Variants in KIRREL3 observed in about 807,000 individuals in gnomAD.
KIRREL3 encodes kin of IRRE-like protein 3.
In KIRREL3, 36 loss-of-function variants were observed where a neutral mutation model predicts 89.7. The observed-to-expected ratio is 0.40, with a 90% CI of 0.31 to 0.53. The LOEUF is 0.53. KIRREL3 is among the 20% of genes least tolerant of loss of function. KIRREL3 has a pLI of 0.49. For missense variants in KIRREL3, 864 were observed against 1,056.6 expected (o/e 0.82, Z 2.53); for synonymous variants, 445 against 441.4 (o/e 1.01, Z -0.10).
rs1005016776 is a variant in KIRREL3, at chr11:126,805,963, C to T, written c.55+194492G>A. The stretch of plus-strand genomic sequence containing the variant: ...CTGTCCTCTGAATGTGCCTGTGCCC[C>T]CAAATCCTCCCTTCAATGACATCAA... On this transcript the variant is annotated intron_variant, in intron 1 of 16. Transcript: ENST00000525144. The surrounding 1 kb of genome is among the most constrained non-coding windows in gnomAD (Gnocchi z 4.3). Among the ~76,000 whole-genome samples the T allele has an allele frequency of 1.3e-5, 2 of 152,160 alleles. No individual in the cohort carries two copies. Among genetic ancestry groups the T allele is most frequent in the Non-Finnish European group, 2.9e-5 (2 of 68,030 alleles).
In KIRREL3 at chr11:126,431,634, C is replaced by T. The variant is rs2134150387; in HGVS notation, c.1589-108G>A. 8.9e-7 allele frequency: 1 copy of T among 1,121,596 alleles called. No individual in the cohort carries two copies. Among genetic ancestry groups the T allele is most frequent in the Non-Finnish European group, 1.3e-6 (1 of 781,706 alleles). The allele number at this position is 1,121,596 out of a possible 1,614,324, so 69.5% of individuals were successfully genotyped here. ...GGCAGCCCCTGCCACATGGGGCCCT[C>T]CTGGGAAATGCCTCAGTGGGGCCTG... On this transcript the variant is annotated intron_variant, in intron 13 of 16. Coordinates refer to ENST00000525144, the MANE Select transcript of KIRREL3 (RefSeq NM_032531.4). This position sits in a 1 kb window ranked among gnomAD's most constrained non-coding sequence, Gnocchi z 7.1.
intron 1 of KIRREL3, among the ~76,000 whole-genome samples, chr11:126,650,473 A>G (rs935109674): frequency 2.6e-5 from 4 of 152,082 alleles, no homozygotes; most frequent in Non-Finnish European, 4.4e-5. Flanking sequence ...CTTCCACTAG[A>G]TACCCTAGAT....
At chr11:126,472,376 C>T (rs1476181711) in intron 5 of KIRREL3, among the ~76,000 whole-genome samples, 1 of 152,128 alleles carries the variant, frequency 6.6e-6, no homozygotes, top group Non-Finnish European at 1.5e-5. Context: ...GGACAGACAC[C>T]TGGTTCATAG....
chr11:126,803,634 G>T (rs973117738), intron 1 of KIRREL3, among the ~76,000 whole-genome samples: 6 of 152,048 alleles, frequency 3.9e-5, no homozygotes, highest in Non-Finnish European at 7.4e-5. Flanking sequence ...GCCTCTTAAT[G>T]AAAAGAGGGC....
rs1941354821 is a variant in KIRREL3 at position 126,578,154 on chromosome 11, C to T, written c.56-15242G>A. ...GAGGCAACACAGAATGAGACTAATC[C>T]CTCTTCCACCCAACTACTGAGAAGT... is the stretch of plus-strand genomic sequence containing the variant. On this transcript the variant is annotated intron_variant, in intron 1 of 16. Transcript: ENST00000525144. This position sits in a 1 kb window ranked among gnomAD's most constrained non-coding sequence, Gnocchi z 4.9. 6.6e-6 allele frequency among the ~76,000 whole-genome samples: 1 copy of T among 152,136 alleles called. No homozygotes were observed. The highest frequency in any genetic ancestry group is 2.4e-5 in the African/African-American group (1 of 41,420).
At chr11:126,437,118 ACACT>A in intron 11 of KIRREL3, 109 bp from the exon 12 acceptor site, 2 of 998,676 alleles carry the variant, frequency 2.0e-6, no homozygotes, top group Non-Finnish European at 2.8e-6. Flanking sequence ...TCACTGCCAC[ACACT>A]AACACATGTG....
chr11:126,446,609 T>C (rs1955824261), intron 9 of KIRREL3, 150 bp downstream of exon 9: 1 of 908,582 alleles, frequency 1.1e-6, no homozygotes, highest in Non-Finnish European at 1.6e-6. Flanking sequence ...GGGTTCCCCC[T>C]CCTCTTTCTG....
At position 126,890,062 on chromosome 11, in the gene KIRREL3, A is replaced by C. The variant is rs541872123; in HGVS notation, c.55+110393T>G. On this transcript the variant is annotated intron_variant, in intron 1 of 16. Transcript: ENST00000525144. This position sits in a 1 kb window ranked among gnomAD's most constrained non-coding sequence, Gnocchi z 5.1. Reference sequence around the variant, plus strand: ...CCCCCAGCCACAATCACAAATAACTATCTGGTGGAGGATCTTGTGTCCTTT... The same window carrying C: ...CCCCCAGCCACAATCACAAATAACTCTCTGGTGGAGGATCTTGTGTCCTTT... Among the ~76,000 whole-genome samples, 1 of 152,276 alleles carries C rather than the reference A, an allele frequency of 6.6e-6. No individual in the cohort carries two copies. The highest frequency in any genetic ancestry group is 2.1e-4 in the South Asian group (1 of 4,820).
chr11:126,894,500 G>A (rs1318374874), intron 1 of KIRREL3, among the ~76,000 whole-genome samples: 1 of 128,962 alleles, frequency 7.8e-6, no homozygotes, highest in African/African-American at 3.0e-5. Context: ...CTTGAGCCCA[G>A]GAGTTCGAGA....
chr11:126,951,769 C>G (rs1457420762), intron 1 of KIRREL3, among the ~76,000 whole-genome samples: 1 of 152,152 alleles, frequency 6.6e-6, no homozygotes, highest in Non-Finnish European at 1.5e-5. Context: ...GAGAACCAAG[C>G]CTTTGAGTGA....
In KIRREL3 at chr11:126,755,630, T is replaced by C. The variant is rs1949468264; in HGVS notation, c.56-192718A>G. ...TGCGTGCTGACACTCTCAACTTCCC[T>C]GAGTGCCTGTACACCCCCGCCCCCA... On this transcript the variant is annotated intron_variant, in intron 1 of 16. Transcript: ENST00000525144. The surrounding 1 kb of genome is among the most constrained non-coding windows in gnomAD (Gnocchi z 4.3). Among the ~76,000 whole-genome samples, 1 of 152,166 alleles carries C rather than the reference T, an allele frequency of 6.6e-6. No individual in the cohort carries two copies. Among genetic ancestry groups the C allele is most frequent in the African/African-American group, 2.4e-5 (1 of 41,450 alleles).
chr11:126,431,208 G>T lies in KIRREL3; in HGVS notation c.1696+211C>A, dbSNP rs1054293731. 3 of 1,493,576 alleles carry T rather than the reference G, an allele frequency of 2.0e-6. No individual in the cohort carries two copies. The highest frequency in any genetic ancestry group is 1.3e-5 in the South Asian group (1 of 74,696). 92.5% of individuals were successfully genotyped at this position (1,493,576 alleles called of 1,614,324 possible). A position where few individuals can be genotyped will look rare whatever the true frequency, so the allele number is the denominator to read the frequency against. ...TGCAGATGAAGTTCAGTCTAGTCCA[G>T]GTCAACCTCAGCCTAGCGCCCACTC... On this transcript the variant is annotated intron_variant, in intron 14 of 16. Transcript: ENST00000525144. The surrounding 1 kb of genome is among the most constrained non-coding windows in gnomAD (Gnocchi z 7.1).
In KIRREL3 at chr11:126,568,285, C is replaced by G. The variant is rs963363133; in HGVS notation, c.56-5373G>C. ...ATAAAGGATCCCTTCAGCACTGGTG[C>G]AGATGATGGATGGGAGATGAGCTCA... On this transcript the variant is annotated intron_variant, in intron 1 of 16. Transcript: ENST00000525144. The surrounding 1 kb of genome is among the most constrained non-coding windows in gnomAD (Gnocchi z 4.6). Among the ~76,000 whole-genome samples the G allele has an allele frequency of 2.7e-5, 4 of 150,190 alleles. No homozygotes were observed. Among genetic ancestry groups the G allele is most frequent in the Admixed American group, 6.6e-5 (1 of 15,156 alleles).
intron 13 of KIRREL3, among the ~76,000 whole-genome samples, chr11:126,433,481 A>G (rs1342733616): frequency 6.6e-6 from 1 of 152,094 alleles, no homozygotes; most frequent in Non-Finnish European, 1.5e-5. Flanking sequence ...TCCCTTTGCC[A>G]CCCCAGGACT....
Position 126,754,945 on chromosome 11 carries a change from A to G in KIRREL3, c.56-192033T>C, listed in dbSNP as rs917790515. On this transcript the variant is annotated intron_variant, in intron 1 of 16. Transcript: ENST00000525144. This position sits in a 1 kb window ranked among gnomAD's most constrained non-coding sequence, Gnocchi z 5.1. The stretch of plus-strand genomic sequence containing the variant: ...TCTTCCTGGTGAGCAAATACACAGC[A>G]AGAGAGGCGGATGTGAAGAAAAGCT... 2.6e-5 allele frequency among the ~76,000 whole-genome samples: 4 copies of G among 152,264 alleles called. No homozygotes were observed. The highest frequency in any genetic ancestry group is 9.6e-5 in the African/African-American group (4 of 41,476).
At chr11:126,481,277 T>C (rs964736356) in intron 4 of KIRREL3, among the ~76,000 whole-genome samples, 1 of 152,222 alleles carries the variant, frequency 6.6e-6, no homozygotes, top group African/African-American at 2.4e-5. Flanking sequence ...TACTTTTTGT[T>C]TTCTTCCCAC....
intron 1 of KIRREL3, chr11:126,992,418 T>C (rs1950059553): frequency 6.6e-6 from 1 of 152,236 alleles, no homozygotes; most frequent in African/African-American, 2.4e-5. Context: ...TCCGCAGTCA[T>C]GGAAATAACA....
intron 1 of KIRREL3, among the ~76,000 whole-genome samples, chr11:126,828,394 T>A (rs1338446738): frequency 1.3e-5 from 2 of 152,158 alleles, no homozygotes; most frequent in Non-Finnish European, 2.9e-5. Flanking sequence ...TTTCCCTACA[T>A]CAAGCCTTAG....
At chr11:126,738,109 T>C (rs892989374) in intron 1 of KIRREL3, among the ~76,000 whole-genome samples, 1 of 152,146 alleles carries the variant, frequency 6.6e-6, no homozygotes, top group African/African-American at 2.4e-5. Flanking sequence ...GGCAGGAGAA[T>C]GTAAATACAC....
Sources: allele counts gnomAD v4.1 joint callset (sites outside exome capture counted in the v4.1 genomes callset), GRCh38; gene constraint gnomAD v4.1.1; non-coding constraint Gnocchi (gnomAD v3.1); transcripts MANE v1.5; gene names NCBI Gene and HGNC (gene_info 2026-07-23, HGNC 2026-07-21).